TLE2: variants seen among roughly 807,000 people sequenced by gnomAD.
TLE2 encodes TLE family member 2, transcriptional corepressor.
A neutral mutation model predicts 97.2 loss-of-function variants in TLE2; 74 were observed. That is an observed-to-expected ratio of 0.76 (90% CI 0.63 to 0.92). The LOEUF (loss-of-function observed/expected upper bound fraction) is 0.92, where lower values mean the gene tolerates loss of function less well. Among genes scored for constraint, TLE2 ranks in the 40% least tolerant of loss-of-function variants. TLE2 has a pLI of 0.00. For synonymous variants in TLE2, 499 were observed against 432.1 expected, an observed-to-expected ratio of 1.15 and a Z score of -1.92; for missense variants, 1,038 against 1,008.7, an observed-to-expected ratio of 1.03 and a Z score of -0.39.
upstream of TLE2, among the ~76,000 whole-genome samples, chr19:3,029,982 A>T (rs1372287590): frequency 6.6e-6 from 1 of 151,840 alleles, no homozygotes; most frequent in East Asian, 1.9e-4. Context: ...TTTTTTGCAG[A>T]GATGGAGTAG....
chr19:3,041,013 A>ATATATATATATTAT (rs1555695656), intron 1 of TLE2, among the ~76,000 whole-genome samples: 7 of 28,966 alleles, frequency 2.4e-4, no homozygotes, highest in Admixed American at 6.1e-4. Context: ...ATATATATAT[A>ATATATATATATTAT]TTTTTTTTTT....
chr19:3,024,510 G>A (rs1405974236), intron 5 of TLE2, among the ~76,000 whole-genome samples: 2 of 149,074 alleles, frequency 1.3e-5, no homozygotes. Flanking sequence ...TGAACCTGAC[G>A]ACCCTGGGAC....
In TLE2 at chr19:3,014,665, C is replaced by G. The variant is rs887715735; in HGVS notation, c.679-51G>C. On this transcript the variant is annotated intron_variant, in intron 9 of 19. Coordinates refer to ENST00000262953, the MANE Select transcript of TLE2 (RefSeq NM_003260.5). ...CATTGTGGTCATGCCCCTGCCTCCA[C>G]ACCCCCTATCCGCTCCTCAGGAGTT... The G allele has an allele frequency of 2.0e-6, 3 of 1,509,272 alleles. No individual in the cohort carries two copies. The Admixed American group carries it at 6.1e-5, about 31-fold the overall frequency. The allele number at this position is 1,509,272 out of a possible 1,614,324, so 93.5% of individuals were successfully genotyped here.
chr19:3,017,790 C>G (rs370670839), intron 8 of TLE2, 50 bp downstream of exon 8: 1 of 1,588,822 alleles, frequency 6.3e-7, no homozygotes, highest in Non-Finnish European at 8.6e-7. Flanking sequence ...TCAGAACCAG[C>G]GTTGGCCTCC....
At chr19:3,039,933 A>G (rs2090087894) in intron 1 of TLE2, among the ~76,000 whole-genome samples, 1 of 152,204 alleles carries the variant, frequency 6.6e-6, no homozygotes, top group Non-Finnish European at 1.5e-5. Flanking sequence ...GGATAATTAT[A>G]GAAACGTCTC....
rs898567589 is a variant in TLE2 at position 2,997,845 on chromosome 19, G to A, written c.*3C>T. 6.3e-7 allele frequency: 1 copy of A among 1,599,998 alleles called. No individual in the cohort carries two copies. Among genetic ancestry groups the A allele is most frequent in the Non-Finnish European group, 8.5e-7 (1 of 1,171,532 alleles). On this transcript the variant is annotated 3_prime_UTR_variant, in exon 20 of 20. Transcript: ENST00000262953. Reference sequence around the variant, plus strand: ...CTTCGGGTACAGGAAGGGGGGTCATGTCTCAGTAGACCACCTCATACACGG... The same window carrying A: ...CTTCGGGTACAGGAAGGGGGGTCATATCTCAGTAGACCACCTCATACACGG...
intron 15 of TLE2, 44 bp downstream of exon 15, chr19:3,006,376 C>A: frequency 6.3e-7 from 1 of 1,591,380 alleles, no homozygotes; most frequent in Non-Finnish European, 8.5e-7. Flanking sequence ...ATAAGCCCCA[C>A]CCCTCACCTG....
Position 3,029,059 on chromosome 19 carries a change from G to A in TLE2, c.-155C>T. 7.4e-6 allele frequency: 10 copies of A among 1,358,550 alleles called. No homozygotes were observed. The highest frequency in any genetic ancestry group is 9.5e-6 in the Non-Finnish European group (10 of 1,052,732). The allele number at this position is 1,358,550 out of a possible 1,614,324, so 84.2% of individuals were successfully genotyped here. A position where few individuals can be genotyped will look rare whatever the true frequency, so the allele number is the denominator to read the frequency against. Reference sequence around the variant, plus strand: ...GGGGCAAGGGACCCTGGAGTCCCTGGCGCGCCCCCAAGCGCGCGCGCCCGG... The same window carrying A: ...GGGGCAAGGGACCCTGGAGTCCCTGACGCGCCCCCAAGCGCGCGCGCCCGG... On this transcript the variant is annotated 5_prime_UTR_variant, in exon 1 of 20. Coordinates refer to ENST00000262953, the MANE Select transcript of TLE2 (RefSeq NM_003260.5).
chr19:3,014,487 T>C, intron 10 of TLE2, 83 bp downstream of exon 10: 1 of 1,302,512 alleles, frequency 7.7e-7, no homozygotes, highest in Admixed American at 3.1e-5. Flanking sequence ...GGATCCCCAC[T>C]ACCTCTGGGT....
intron 19 of TLE2, among the ~76,000 whole-genome samples, chr19:3,000,099 C>T (rs895531102): frequency 6.6e-6 from 1 of 150,876 alleles, no homozygotes; most frequent in African/African-American, 2.4e-5. Flanking sequence ...TGAGGCAGAG[C>T]CTCACTCTGT....
chr19:3,043,115 C>T (rs1033010289), intron 1 of TLE2, among the ~76,000 whole-genome samples: 3 of 150,122 alleles, frequency 2.0e-5, no homozygotes, highest in Non-Finnish European at 4.4e-5. Context: ...CCATCTTGCC[C>T]GGCACAGCTT....
intron 14 of TLE2, 42 bp from the exon 15 acceptor site, chr19:3,006,711 G>A (rs902398722): frequency 7.8e-6 from 12 of 1,544,740 alleles, no homozygotes; most frequent in African/African-American, 1.4e-5. Flanking sequence ...TGGGCACCAC[G>A]CCCCCGCACC....
chr19:3,003,531 G>A (rs1190868303), intron 17 of TLE2, among the ~76,000 whole-genome samples: 18 of 152,084 alleles, frequency 1.2e-4, no homozygotes, highest in Non-Finnish European at 2.1e-4. Flanking sequence ...CCAGCTACTC[G>A]GGAGGCTGAG....
chr19:3,000,851 G>C (rs1327707402), intron 18 of TLE2, 128 bp from the exon 19 acceptor site: 81 of 645,384 alleles, frequency 1.3e-4, no homozygotes, highest in Non-Finnish European at 1.6e-5. Context: ...TCCAAGAAAG[G>C]GTCTTGCTCT....
chr19:3,019,232 CCTCCCCAGCCCCGT>C lies in TLE2; in HGVS notation c.550+37_550+50del, dbSNP rs2145178886. On this transcript the variant is annotated intron_variant, in intron 7 of 19. Coordinates refer to ENST00000262953, the MANE Select transcript of TLE2 (RefSeq NM_003260.5). The surrounding 1 kb of genome is among the most constrained non-coding windows in gnomAD (Gnocchi z 5.1). The stretch of plus-strand genomic sequence containing the variant: ...TTTGCTACCCTGGACTGCCAGTCGT[CCTCCCCAGCCCCGT>C]CTCCCCAGCCAATGCCACCCCGTGC... 7.1e-6 allele frequency: 11 copies of C among 1,539,394 alleles called. No homozygotes were observed. Among genetic ancestry groups the C allele is most frequent in the Non-Finnish European group, 9.6e-6 (11 of 1,149,354 alleles).
chr19:3,006,182 A>G (rs755598916), intron 15 of TLE2: 22 of 950,834 alleles, frequency 2.3e-5, no homozygotes, highest in Non-Finnish European at 3.2e-5. Flanking sequence ...AGCCCCACCC[A>G]TGGTTGGCCT....
At chr19:2,998,349 C>T (rs2089272238) in intron 19 of TLE2, among the ~76,000 whole-genome samples, 1 of 150,850 alleles carries the variant, frequency 6.6e-6, no homozygotes, top group Admixed American at 6.7e-5. Flanking sequence ...GTGATCTCTG[C>T]TCACTGCAAC....
chr19:3,044,177 A>C (rs2090125398), intron 1 of TLE2, among the ~76,000 whole-genome samples: 1 of 151,574 alleles, frequency 6.6e-6, no homozygotes, highest in African/African-American at 2.4e-5. Context: ...TCACCAAAAA[A>C]AAAAACAAAA....
upstream of TLE2, among the ~76,000 whole-genome samples, chr19:3,031,789 A>G (rs1228286770): frequency 6.6e-6 from 1 of 152,094 alleles, no homozygotes; most frequent in African/African-American, 2.4e-5. Flanking sequence ...TTCAAGTCTC[A>G]GCTCAAAAGC....
Sources: allele counts gnomAD v4.1 joint callset (sites outside exome capture counted in the v4.1 genomes callset), GRCh38; gene constraint gnomAD v4.1.1; non-coding constraint Gnocchi (gnomAD v3.1); transcripts MANE v1.5; gene names NCBI Gene and HGNC (gene_info 2026-07-23, HGNC 2026-07-21).